The following ARHGAP22 variants were observed in gnomAD, a reference collection of about 807,000 sequenced individuals.
ARHGAP22 encodes Rho GTPase activating protein 22.
In ARHGAP22, 48 loss-of-function variants were observed where a neutral mutation model predicts 59.1. The ratio of observed to expected loss-of-function variants is 0.81; its 90% CI spans 0.64 to 1.03. ARHGAP22 has a LOEUF of 1.03. Ranked by LOEUF, ARHGAP22 falls within the 50% of genes least tolerant of loss-of-function variation. The pLI, the probability that ARHGAP22 is intolerant of heterozygous loss-of-function variation, is 0.00. For missense variants in ARHGAP22, 1,015 were observed against 958.7 expected (o/e 1.06, Z -0.78); for synonymous variants, 445 against 416.4 (o/e 1.07, Z -0.84).
At position 48,586,007 on chromosome 10, in the gene ARHGAP22, C is replaced by A. The variant is rs78731629; in HGVS notation, c.35-2855G>T. On this transcript the variant is annotated intron_variant, in intron 1 of 9. Transcript: ENST00000249601. ...AAACTGGGCTTGAGCTTCACCTTAT[C>A]TGTGTTTCAGAATGATCGGCACTTT... is the stretch of plus-strand genomic sequence containing the variant. Among the ~76,000 whole-genome samples the A allele has an allele frequency of 5.8e-3, 884 of 152,226 alleles. 7 individuals are homozygous for A. Among genetic ancestry groups the A allele is most frequent in the African/African-American group, 0.02 (849 of 41,518 alleles).
Position 48,527,014 on chromosome 10 carries a change from T to C in ARHGAP22, c.322+28449A>G, listed in dbSNP as rs542177025. ...AACATTCACTATGTGTTTCCCACCA[T>C]GTGCCAGGCAACTCACAAAGGTTAT... is the stretch of plus-strand genomic sequence containing the variant. On this transcript the variant is annotated intron_variant, in intron 3 of 9. Coordinates refer to ENST00000249601, the MANE Select transcript of ARHGAP22 (RefSeq NM_021226.4). 6.6e-5 allele frequency among the ~76,000 whole-genome samples: 10 copies of C among 152,360 alleles called. 1 individual carries two copies. The South Asian group carries it at 1.7e-3, about 25-fold the overall frequency.
intron 1 of ARHGAP22, among the ~76,000 whole-genome samples, chr10:48,651,836 T>C (rs2062578228): frequency 6.6e-6 from 1 of 152,128 alleles, no homozygotes; most frequent in African/African-American, 2.4e-5. Context: ...ACTATTTCTC[T>C]ACTAGCCCCT....
At chr10:48,546,984 GT>G (rs1299871746) in intron 3 of ARHGAP22, among the ~76,000 whole-genome samples, 1 of 152,120 alleles carries the variant, frequency 6.6e-6, no homozygotes, top group Admixed American at 6.5e-5. Flanking sequence ...TCTGTGACTT[GT>G]CAAAACCCAC....
chr10:48,571,807 C>T (rs190655527), intron 2 of ARHGAP22, among the ~76,000 whole-genome samples: 139 of 152,304 alleles, frequency 9.1e-4, no homozygotes, highest in Non-Finnish European at 1.7e-3. Context: ...GGAAGGAAGG[C>T]CTCACTCATT....
chr10:48,468,356 T>G (rs1235078520), intron 4 of ARHGAP22, among the ~76,000 whole-genome samples: 3 of 152,130 alleles, frequency 2.0e-5, no homozygotes, highest in African/African-American at 7.2e-5. Flanking sequence ...GGTGCAATCA[T>G]AGGGGTTCTT....
Position 48,451,703 on chromosome 10 carries a change from A to G in ARHGAP22, c.989-563T>C. ...ATCACACGTACAATGCACCCCATCC[A>G]CCCCCAAAGTCCCACACACACACAC... On this transcript the variant is annotated intron_variant, in intron 8 of 9. Transcript: ENST00000249601. The G allele has an allele frequency of 7.3e-6, 4 of 551,236 alleles. No homozygotes were observed. The South Asian group carries it at 7.8e-5, about 11-fold the overall frequency. 34.1% of individuals were successfully genotyped at this position (551,236 alleles called of 1,614,324 possible).
chr10:48,530,087 A>C (rs1191243606), intron 3 of ARHGAP22, among the ~76,000 whole-genome samples: 3 of 152,098 alleles, frequency 2.0e-5, no homozygotes, highest in African/African-American at 7.2e-5. Context: ...ATATACAAAA[A>C]TTAGCCAGGC....
At chr10:48,463,473 A>G (rs550976453) in intron 4 of ARHGAP22, among the ~76,000 whole-genome samples, 9 of 152,244 alleles carry the variant, frequency 5.9e-5, no homozygotes, top group East Asian at 1.9e-4. Context: ...GGAGGGGCTG[A>G]CCTGGCAGTG....
At chr10:48,470,478 GGCAGGGGAGAAGCCTTGAGCGCT>G (rs1409788636) in intron 4 of ARHGAP22, among the ~76,000 whole-genome samples, 1 of 152,218 alleles carries the variant, frequency 6.6e-6, no homozygotes, top group Non-Finnish European at 1.5e-5. Flanking sequence ...CTGGGGCTCT[GGCAGGGGAGAAGCCTTGAGCGCT>G]GCAGGGGAAG....
intron 3 of ARHGAP22, among the ~76,000 whole-genome samples, chr10:48,503,639 G>A (rs2051770138): frequency 6.6e-6 from 1 of 152,244 alleles, no homozygotes. Context: ...CATGGTGCCG[G>A]GAGAAGCCCA....
intron 1 of ARHGAP22, among the ~76,000 whole-genome samples, chr10:48,642,338 T>C (rs1264935025): frequency 3.9e-5 from 6 of 152,278 alleles, no homozygotes; most frequent in Middle Eastern, 3.4e-3. Context: ...CTTCAAACTA[T>C]ACTACAAGGC....
rs1470998543 is a variant in ARHGAP22 at position 48,508,082 on chromosome 10, G to A, written c.323-28318C>T. On this transcript the variant is annotated intron_variant, in intron 3 of 9. Transcript: ENST00000249601. ...AGACTCCAAGTGTCAGGGCTCAAAG[G>A]CTGGGGTGGCCACTCTCCTTACTGA... 2.6e-5 allele frequency among the ~76,000 whole-genome samples: 4 copies of A among 152,150 alleles called. No individual in the cohort carries two copies. The East Asian group carries it at 7.7e-4, about 29-fold the overall frequency.
At position 48,450,529 on chromosome 10, in the gene ARHGAP22, C is replaced by T. The variant is rs1564660974; in HGVS notation, c.1600G>A (p.Ala534Thr). 1.3e-6 allele frequency: 2 copies of T among 1,517,478 alleles called. No homozygotes were observed. The highest frequency in any genetic ancestry group is 1.8e-6 in the Non-Finnish European group (2 of 1,132,890). 94.0% of individuals were successfully genotyped at this position (1,517,478 alleles called of 1,614,324 possible). Residue 534 changes from alanine (A) to threonine (T), a missense_variant, in exon 9 of 10, where the codon GCC becomes ACC. Transcript: ENST00000249601. ...GAACTGCGGGCAGACGAGTCGCTGG[C>T]GCGGCAGGCCGTGCAGCTGCTGAGT... The part of the protein sequence containing the change: ...GSLSSCTACR[A>T]SDSSARSSLH...
intron 4 of ARHGAP22, among the ~76,000 whole-genome samples, chr10:48,463,526 C>T (rs72783089): frequency 0.08 from 12,207 of 152,236 alleles, 610 homozygotes; most frequent in Middle Eastern, 0.11. Context: ...CTCCCCTTTC[C>T]TCCAGCTCTG....
intron 4 of ARHGAP22, among the ~76,000 whole-genome samples, chr10:48,468,437 G>A (rs1013588438): frequency 1.3e-5 from 2 of 152,206 alleles, no homozygotes; most frequent in Non-Finnish European, 2.9e-5. Flanking sequence ...AGAGACTGCA[G>A]TGCTGAAGCC....
intron 3 of ARHGAP22, among the ~76,000 whole-genome samples, chr10:48,482,466 C>G (rs1003942344): frequency 2.6e-5 from 4 of 152,212 alleles, no homozygotes; most frequent in Non-Finnish European, 5.9e-5. Flanking sequence ...TCTAATGACA[C>G]TGACCAGAGC....
chr10:48,517,080 G>C (rs1038968447), intron 3 of ARHGAP22, among the ~76,000 whole-genome samples: 2 of 152,176 alleles, frequency 1.3e-5, no homozygotes, highest in African/African-American at 4.8e-5. Flanking sequence ...ACACGGGGAG[G>C]GTTGTTTCTG....
At chr10:48,502,546 G>A (rs1564779436) in intron 3 of ARHGAP22, among the ~76,000 whole-genome samples, 2 of 152,130 alleles carry the variant, frequency 1.3e-5, no homozygotes, top group Admixed American at 6.5e-5. Flanking sequence ...CATCTCACCG[G>A]ACACTCCAGG....
At chr10:48,606,649 T>C (rs1448625332), upstream of ARHGAP22, among the ~76,000 whole-genome samples, 4 of 152,228 alleles carry the variant, frequency 2.6e-5, no homozygotes, top group African/African-American at 9.6e-5. Context: ...TGTTCTTGCA[T>C]GTGCAGCCCC....
Sources: allele counts gnomAD v4.1 joint callset (sites outside exome capture counted in the v4.1 genomes callset), GRCh38; gene constraint gnomAD v4.1.1; transcripts MANE v1.5; gene names NCBI Gene and HGNC (gene_info 2026-07-23, HGNC 2026-07-21).